ACVR1C: variants seen among roughly 807,000 people sequenced by gnomAD.
The protein encoded by ACVR1C is activin A receptor type 1C.
ACVR1C carries 23 observed loss-of-function variants against 57.9 expected under a neutral mutation model. That is an observed-to-expected ratio of 0.40 (90% CI 0.29 to 0.56). The LOEUF (loss-of-function observed/expected upper bound fraction) is 0.56, where lower values mean the gene tolerates loss of function less well. ACVR1C is among the 20% of genes least tolerant of loss of function. The pLI is 0.50. For synonymous variants in ACVR1C, 214 were observed against 215.3 expected, an observed-to-expected ratio of 0.99 and a Z score of 0.05; for missense variants, 480 against 607.9, an observed-to-expected ratio of 0.79 and a Z score of 2.21.
At chr2:157,606,701 G>T (rs1682405816) in intron 1 of ACVR1C, among the ~76,000 whole-genome samples, 1 of 151,468 alleles carries the variant, frequency 6.6e-6, no homozygotes, top group South Asian at 2.1e-4. Context: ...TTAATATTCT[G>T]GATATTAGTC....
rs1019230726 is a variant in ACVR1C, at chr2:157,527,465, A to G, written c.*6453T>C. 3 of 152,212 alleles carry G rather than the reference A, an allele frequency of 2.0e-5. No homozygotes were observed. Among genetic ancestry groups the G allele is most frequent in the Non-Finnish European group, 4.4e-5 (3 of 68,024 alleles). 9.4% of individuals were successfully genotyped at this position (152,212 alleles called of 1,614,324 possible). On this transcript the variant is annotated 3_prime_UTR_variant, in exon 9 of 9. Coordinates refer to ENST00000243349, the MANE Select transcript of ACVR1C (RefSeq NM_145259.3). ...TGACATTTGTAATATGTTCTTAGGT[A>G]TAAGAAGAGTCACGCTACCAAAAGA...
intron 1 of ACVR1C, among the ~76,000 whole-genome samples, chr2:157,594,462 A>AGT (rs1682034897): frequency 7.0e-6 from 1 of 142,748 alleles, no homozygotes; most frequent in Admixed American, 7.5e-5. Context: ...TGTGCCCCCA[A>AGT]ATTCACACCC....
rs574117606 is a variant in ACVR1C at position 157,546,922 on chromosome 2, T to A, written c.776-2310A>T. On this transcript the variant is annotated intron_variant, in intron 4 of 8. Coordinates refer to ENST00000243349, the MANE Select transcript of ACVR1C (RefSeq NM_145259.3). Reference sequence around the variant, plus strand: ...ATGCTGGTGCGCTGCACCCACTAACTCGTCATCTAGCATTAGGTATATCTC... The same window carrying A: ...ATGCTGGTGCGCTGCACCCACTAACACGTCATCTAGCATTAGGTATATCTC... Among the ~76,000 whole-genome samples, 1,436 of 151,502 alleles carry A rather than the reference T, an allele frequency of 9.5e-3. 17 individuals are homozygous for A. The highest frequency in any genetic ancestry group is 0.033 in the African/African-American group (1,377 of 41,256).
chr2:157,567,284 C>A (rs1688417971), intron 2 of ACVR1C, among the ~76,000 whole-genome samples: 1 of 105,532 alleles, frequency 9.5e-6, no homozygotes, highest in Admixed American at 9.2e-5. Flanking sequence ...AACAGAAAAA[C>A]TGGAAACTCT....
At chr2:157,536,218 G>A (rs1687483723) in intron 8 of ACVR1C, among the ~76,000 whole-genome samples, 1 of 152,092 alleles carries the variant, frequency 6.6e-6, no homozygotes, top group Non-Finnish European at 1.5e-5. Flanking sequence ...CCAAAACTGA[G>A]TAATAGAAAC....
chr2:157,588,586 C>T (rs1341445027), intron 1 of ACVR1C, among the ~76,000 whole-genome samples: 5 of 146,834 alleles, frequency 3.4e-5, no homozygotes, highest in African/African-American at 1.3e-4. Flanking sequence ...CCTAACCTCC[C>T]TCCCACCCTC....
chr2:157,584,578 A>G (rs961786986), intron 2 of ACVR1C, among the ~76,000 whole-genome samples: 1 of 152,226 alleles, frequency 6.6e-6, no homozygotes, highest in Non-Finnish European at 1.5e-5. Context: ...AAAATTAAAA[A>G]GACTGATTAT....
intron 8 of ACVR1C, 126 bp downstream of exon 8, chr2:157,538,447 C>G: frequency 1.1e-6 from 1 of 935,496 alleles, no homozygotes; most frequent in Non-Finnish European, 1.5e-6. Flanking sequence ...CTTCTGAAGA[C>G]TTATAAAAAG....
chr2:157,593,727 C>A lies in ACVR1C; in HGVS notation c.74-6310G>T, dbSNP rs529486403. Among the ~76,000 whole-genome samples, 7 of 152,224 alleles carry A rather than the reference C, an allele frequency of 4.6e-5. No homozygotes were observed. The South Asian group carries it at 1.0e-3, about 23-fold the overall frequency. On this transcript the variant is annotated intron_variant, in intron 1 of 8. Coordinates refer to ENST00000243349, the MANE Select transcript of ACVR1C (RefSeq NM_145259.3). ...CAAAGATCTAGCTTCCTTTTCTATT[C>A]CTTGTCAAAATTTTATTTTCTTGTC...
chr2:157,606,120 A>G (rs989518132), intron 1 of ACVR1C, among the ~76,000 whole-genome samples: 2 of 151,778 alleles, frequency 1.3e-5, no homozygotes, highest in Admixed American at 1.3e-4. Flanking sequence ...TGTTGCTGCA[A>G]ATAACATGGT....
At chr2:157,537,760 G>A (rs1001781195) in intron 8 of ACVR1C, among the ~76,000 whole-genome samples, 2 of 152,190 alleles carry the variant, frequency 1.3e-5, no homozygotes, top group African/African-American at 2.4e-5. Flanking sequence ...GAACTAGTTA[G>A]ATGGTTTAGA....
chr2:157,560,750 G>A (rs1307990505), intron 2 of ACVR1C, among the ~76,000 whole-genome samples: 2 of 152,208 alleles, frequency 1.3e-5, no homozygotes, highest in Admixed American at 6.5e-5. Flanking sequence ...AGTTTAAGCT[G>A]AGGGCTATTT....
At chr2:157,555,101 CTTTTTTTTTTTTTTTTT>C (rs60269781) in intron 3 of ACVR1C, among the ~76,000 whole-genome samples, 1 of 83,926 alleles carries the variant, frequency 1.2e-5, no homozygotes, top group African/African-American at 5.9e-5. Context: ...ACTTTGAACG[CTTTTTTTTTTTTTTTTT>C]TTTTTTTTTT....
intron 2 of ACVR1C, among the ~76,000 whole-genome samples, chr2:157,560,935 G>A (rs1688218822): frequency 6.6e-6 from 1 of 152,104 alleles, no homozygotes; most frequent in Non-Finnish European, 1.5e-5. Context: ...TCAAATTACA[G>A]ACACATTCCC....
In ACVR1C at chr2:157,528,110, A is replaced by G. The variant is rs764086312; in HGVS notation, c.*5808T>C. 6.6e-6 allele frequency: 1 copy of G among 152,214 alleles called. No individual in the cohort carries two copies. Among genetic ancestry groups the G allele is most frequent in the Non-Finnish European group, 1.5e-5 (1 of 68,030 alleles). The allele number at this position is 152,214 out of a possible 1,614,324, so 9.4% of individuals were successfully genotyped here. A position where few individuals can be genotyped will look rare whatever the true frequency, so the allele number is the denominator to read the frequency against. The stretch of plus-strand genomic sequence containing the variant: ...TTTCTGAAGATGTATAAGCCAGACC[A>G]TTCTTTAAACACATATAAGCCAATA... On this transcript the variant is annotated 3_prime_UTR_variant, in exon 9 of 9. Coordinates refer to ENST00000243349, the MANE Select transcript of ACVR1C (RefSeq NM_145259.3).
intron 3 of ACVR1C, among the ~76,000 whole-genome samples, chr2:157,554,042 G>C (rs1687988463): frequency 6.6e-6 from 1 of 151,334 alleles, no homozygotes; most frequent in South Asian, 2.1e-4. Context: ...AATTAGCCAG[G>C]TGTAGTGGGG....
At chr2:157,534,688 A>G (rs1687437809) in intron 8 of ACVR1C, among the ~76,000 whole-genome samples, 1 of 152,220 alleles carries the variant, frequency 6.6e-6, no homozygotes, top group South Asian at 2.1e-4. Context: ...GCAAAGAGAT[A>G]AGACAAATAC....
chr2:157,531,179 G>A lies in ACVR1C; in HGVS notation c.*2739C>T, dbSNP rs1010098237. On this transcript the variant is annotated 3_prime_UTR_variant, in exon 9 of 9. Transcript: ENST00000243349. ...CAGCATAAGTATATACAAGAAGCCT[G>A]CCTTATGCTCTAAACTTCATCATCC... The A allele has an allele frequency of 6.6e-6, 1 of 151,694 alleles. No individual in the cohort carries two copies. Among genetic ancestry groups the A allele is most frequent in the Non-Finnish European group, 1.5e-5 (1 of 67,910 alleles). 9.4% of individuals were successfully genotyped at this position (151,694 alleles called of 1,614,324 possible). A position where few individuals can be genotyped will look rare whatever the true frequency, so the allele number is the denominator to read the frequency against.
Position 157,533,831 on chromosome 2 carries a change from C to CAA in ACVR1C, c.*85_*86dup. ...GTACTGTCTTATCTTTGAGGTAGAA[C>CAA]AAAAAAAAAATGGCAAAAACATTCA... On this transcript the variant is annotated 3_prime_UTR_variant, in exon 9 of 9. Coordinates refer to ENST00000243349, the MANE Select transcript of ACVR1C (RefSeq NM_145259.3). 20 of 1,160,926 alleles carry CAA rather than the reference C, an allele frequency of 1.7e-5. No homozygotes were observed. The highest frequency in any genetic ancestry group is 2.7e-4 in the Middle Eastern group (1 of 3,758). 71.9% of individuals were successfully genotyped at this position (1,160,926 alleles called of 1,614,324 possible). A position where few individuals can be genotyped will look rare whatever the true frequency, so the allele number is the denominator to read the frequency against.
Sources: gnomAD v4.1 joint callset for allele counts (sites outside exome capture counted in the v4.1 genomes callset) on GRCh38, gnomAD v4.1.1 for gene constraint, MANE v1.5 for transcripts, NCBI Gene and HGNC (gene_info 2026-07-23, HGNC 2026-07-21) for gene names.